PRKAR1B: variants seen among roughly 807,000 people sequenced by gnomAD.
PRKAR1B encodes the protein protein kinase cAMP-dependent type I regulatory subunit beta.
A neutral mutation model predicts 46.5 loss-of-function variants in PRKAR1B; 22 were observed. The observed-to-expected ratio is 0.47, with a 90% CI of 0.34 to 0.68. The LOEUF (loss-of-function observed/expected upper bound fraction) is 0.68. Ranked by LOEUF, PRKAR1B falls within the 30% of genes least tolerant of loss-of-function variation. The pLI, the probability that PRKAR1B is intolerant of heterozygous loss-of-function variation, is 0.01. For synonymous variants in PRKAR1B, 259 were observed against 217.7 expected, an observed-to-expected ratio of 1.19 and a Z score of -1.67; for missense variants, 445 against 535.6, an observed-to-expected ratio of 0.83 and a Z score of 1.67.
At chr7:657,370 T>C (rs1478586781) in intron 4 of PRKAR1B, among the ~76,000 whole-genome samples, 1 of 152,058 alleles carries the variant, frequency 6.6e-6, no homozygotes, top group African/African-American at 2.4e-5. Context: ...AAGGAATTGA[T>C]GCATGAATGA....
At chr7:594,738 AG>A (rs1781172496) in intron 7 of PRKAR1B, among the ~76,000 whole-genome samples, 1 of 151,534 alleles carries the variant, frequency 6.6e-6, no homozygotes, top group African/African-American at 2.4e-5. Context: ...CCAAACCATA[AG>A]GGGACCCCTA....
chr7:648,256 T>C (rs1285132577), intron 4 of PRKAR1B, among the ~76,000 whole-genome samples: 1 of 152,202 alleles, frequency 6.6e-6, no homozygotes, highest in Non-Finnish European at 1.5e-5. Context: ...GAGTAATTTC[T>C]GGCCTATTGT....
intron 7 of PRKAR1B, among the ~76,000 whole-genome samples, chr7:585,906 G>A (rs1238132530): frequency 8.0e-6 from 1 of 125,474 alleles, no homozygotes; most frequent in Non-Finnish European, 1.7e-5. Context: ...GCAAATTCCC[G>A]TAATGCCCTG....
intron 4 of PRKAR1B, among the ~76,000 whole-genome samples, chr7:619,712 T>C (rs1191020899): frequency 6.6e-6 from 1 of 152,284 alleles, no homozygotes; most frequent in African/African-American, 2.4e-5. Flanking sequence ...GCTCCATTTA[T>C]GATCAAGGCC....
At chr7:653,581 CCAGTCA>C (rs1347007867) in intron 4 of PRKAR1B, among the ~76,000 whole-genome samples, 1 of 152,114 alleles carries the variant, frequency 6.6e-6, no homozygotes, top group Non-Finnish European at 1.5e-5. Flanking sequence ...GTTACCTGAT[CCAGTCA>C]CAGTCGTTGA....
intron 4 of PRKAR1B, among the ~76,000 whole-genome samples, chr7:647,129 G>A (rs1468276662): frequency 6.6e-6 from 1 of 152,190 alleles, no homozygotes; most frequent in African/African-American, 2.4e-5. Flanking sequence ...CGTCCTACAG[G>A]GCGCCCAAAC....
rs138133615 is a variant in PRKAR1B, at chr7:570,378, G to A, written c.891+8878C>T. Among the ~76,000 whole-genome samples the A allele has an allele frequency of 7.6e-4, 116 of 152,306 alleles. 1 individual carries two copies. The East Asian group carries it at 0.021, about 27-fold the overall frequency. On this transcript the variant is annotated intron_variant, in intron 9 of 10. Transcript: ENST00000537384. ...CATACCCCCCGTCAAGGAGCTCGGG[G>A]GGCCTGGGAGCCTTCCCTGCCCAGG...
intron 2 of PRKAR1B, among the ~76,000 whole-genome samples, chr7:696,559 C>T (rs926043825): frequency 6.6e-6 from 1 of 152,310 alleles, no homozygotes; most frequent in Non-Finnish European, 1.5e-5. Context: ...CAGGTGTGAG[C>T]CACCGCGCCC....
At chr7:642,538 A>T (rs1177594369) in intron 4 of PRKAR1B, among the ~76,000 whole-genome samples, 1 of 151,994 alleles carries the variant, frequency 6.6e-6, no homozygotes, top group African/African-American at 2.4e-5. Flanking sequence ...ATCCCGGCTA[A>T]AACGGTGAAA....
intron 6 of PRKAR1B, among the ~76,000 whole-genome samples, chr7:601,901 TAGGGACGGGCAGGGGGAGGCGC>T (rs1781630224): frequency 1.9e-5 from 2 of 107,470 alleles, no homozygotes; most frequent in Admixed American, 9.4e-5. Flanking sequence ...TGGGGAGGGG[TAGGGACGGGCAGGGGGAGGCGC>T]AGGGACGGGC....
chr7:580,948 C>T (rs1780147077), intron 8 of PRKAR1B, among the ~76,000 whole-genome samples: 1 of 152,106 alleles, frequency 6.6e-6, no homozygotes, highest in East Asian at 1.9e-4. Flanking sequence ...GCAGATTCTG[C>T]AGCATAGGGA....
intron 4 of PRKAR1B, among the ~76,000 whole-genome samples, chr7:659,745 G>A (rs1474016172): frequency 3.9e-5 from 6 of 152,112 alleles, no homozygotes; most frequent in East Asian, 1.9e-4. Flanking sequence ...ACGGAGTCTC[G>A]CTCTGTCGCC....
chr7:711,355 G>A lies in PRKAR1B; in HGVS notation c.151C>T (p.Arg51Trp), dbSNP rs879938337. Residue 51 changes from arginine (R) to tryptophan (W), a missense_variant, in exon 2 of 11, where the codon CGG (arginine) becomes TGG (tryptophan). Physicochemically the swap from Arg to Trp is moderately radical, Grantham distance 101. Around this residue, in one of 5 missense-constraint regions of PRKAR1B, gnomAD observed 155 missense variants for 127.5 expected, o/e 1.22. Transcript: ENST00000537384. ...SKPERPMKFL[R>W]EHFEKLEKEE... The stretch of plus-strand genomic sequence containing the variant: ...TTCTCCAGCTTCTCGAAGTGCTCCC[G>A]GAGGAACTTCATGGGGCGTTCGGGC... 8.7e-6 allele frequency: 14 copies of A among 1,614,160 alleles called. No individual in the cohort carries two copies. The highest frequency in any genetic ancestry group is 3.3e-4 in the Middle Eastern group (2 of 6,058).
In PRKAR1B at chr7:685,400, ATG is replaced by A. The variant is rs1282976261; in HGVS notation, c.178-4676_178-4675del. On this transcript the variant is annotated intron_variant, in intron 2 of 10. Coordinates refer to ENST00000537384, the MANE Select transcript of PRKAR1B (RefSeq NM_001164760.2). Reference sequence around the variant, plus strand: ...TATATACATACATATATATATATATATGTATATATATACCAAAAACATTCCAG... The same window carrying A: ...TATATACATACATATATATATATATATATATATATACCAAAAACATTCCAG... 7.0e-4 allele frequency among the ~76,000 whole-genome samples: 87 copies of A among 123,976 alleles called. 2 individuals are homozygous for A. Among genetic ancestry groups the A allele is most frequent in the African/African-American group, 2.7e-3 (81 of 29,768 alleles). 81.3% of individuals were successfully genotyped at this position (123,976 alleles called of 152,430 possible).
chr7:635,346 G>C (rs529175340), intron 4 of PRKAR1B, among the ~76,000 whole-genome samples: 1 of 152,338 alleles, frequency 6.6e-6, no homozygotes, highest in African/African-American at 2.4e-5. Context: ...CAGATGTCAT[G>C]TTCGCGCCCA....
intron 4 of PRKAR1B, among the ~76,000 whole-genome samples, chr7:656,528 AG>A (rs2128492436): frequency 6.6e-6 from 1 of 152,122 alleles, no homozygotes; most frequent in African/African-American, 2.4e-5. Context: ...TGTATGGATA[AG>A]GGGGGAATTA....
intron 8 of PRKAR1B, among the ~76,000 whole-genome samples, chr7:584,149 C>T (rs867342192): frequency 6.6e-6 from 1 of 151,812 alleles, no homozygotes; most frequent in Middle Eastern, 3.2e-3. Context: ...ACACGTGTAC[C>T]GGGAGCCAAC....
At chr7:685,340 A>ATATATACG (rs1562615892) in intron 2 of PRKAR1B, among the ~76,000 whole-genome samples, 7 of 89,078 alleles carry the variant, frequency 7.9e-5, no homozygotes, top group African/African-American at 3.0e-4. Context: ...ATATATACGT[A>ATATATACG]TATATATGTA....
intron 4 of PRKAR1B, among the ~76,000 whole-genome samples, chr7:636,375 C>CT (rs1298125078): frequency 0.012 from 626 of 51,040 alleles, 64 homozygotes; most frequent in Non-Finnish European, 0.018. Context: ...CGCGCCCACA[C>CT]GTCCTCCACC....
Sources: allele counts gnomAD v4.1 joint callset (sites outside exome capture counted in the v4.1 genomes callset), GRCh38; gene constraint gnomAD v4.1.1; regional missense constraint gnomAD v4.1.1; transcripts MANE v1.5; gene names NCBI Gene and HGNC (gene_info 2026-07-23, HGNC 2026-07-21).